Variants in SQOR observed in about 807,000 individuals in gnomAD.
The protein encoded by SQOR is sulfide:quinone oxidoreductase, mitochondrial.
A neutral mutation model predicts 48.6 loss-of-function variants in SQOR; 39 were observed. The ratio of observed to expected loss-of-function variants is 0.80; its 90% CI spans 0.62 to 1.05. The LOEUF (loss-of-function observed/expected upper bound fraction) is 1.05. Ranked by LOEUF, SQOR falls within the 50% of genes least tolerant of loss-of-function variation. The pLI, the probability that SQOR is intolerant of heterozygous loss-of-function variation, is 0.00. For missense variants in SQOR, 561 were observed against 559.9 expected (o/e 1.00, Z -0.02); for synonymous variants, 220 against 206.2 (o/e 1.07, Z -0.57).
chr15:45,646,049 G>C (rs1301924335), intron 1 of SQOR: 1 of 152,202 alleles, frequency 6.6e-6, no homozygotes, highest in African/African-American at 2.4e-5. Flanking sequence ...AATACATATT[G>C]GATATTGTAT....
chr15:45,670,408 T>C (rs1355002776), intron 4 of SQOR, among the ~76,000 whole-genome samples: 1 of 152,176 alleles, frequency 6.6e-6, no homozygotes. Context: ...TGGAGGGACA[T>C]CTGGGTTTTG....
rs927457016 is a variant in SQOR, at chr15:45,689,366, A to C, written c.1295+149A>C. On this transcript the variant is annotated intron_variant, in intron 9 of 9. Transcript: ENST00000260324. ...GCCCTCTTTTGCTGCTGGATAAATA[A>C]TAATAGTAAATCACTTTCACATACC... 1.2e-5 allele frequency: 8 copies of C among 650,076 alleles called. No homozygotes were observed. The Admixed American group carries it at 2.3e-4, about 18-fold the overall frequency. 40.3% of individuals were successfully genotyped at this position (650,076 alleles called of 1,614,324 possible).
chr15:45,633,857 G>T (rs1031865465), upstream of SQOR, among the ~76,000 whole-genome samples: 3 of 151,284 alleles, frequency 2.0e-5, no homozygotes, highest in African/African-American at 4.9e-5. Flanking sequence ...AAGATAGAAA[G>T]TATCAGTTGA....
At chr15:45,659,188 G>A in intron 2 of SQOR, 31 bp downstream of exon 2, 1 of 1,459,816 alleles carries the variant, frequency 6.9e-7, no homozygotes, top group African/African-American at 1.4e-5. Context: ...GCCTGGGTGT[G>A]TGTGTACGTG....
intron 2 of SQOR, among the ~76,000 whole-genome samples, chr15:45,661,130 A>C (rs1188618367): frequency 1.3e-5 from 2 of 151,824 alleles, no homozygotes; most frequent in African/African-American, 2.4e-5. Flanking sequence ...AAAAATGCAA[A>C]AATTAGCCAG....
upstream of SQOR, among the ~76,000 whole-genome samples, chr15:45,633,468 G>T (rs1894934109): frequency 6.6e-6 from 1 of 152,036 alleles, no homozygotes; most frequent in Non-Finnish European, 1.5e-5. Context: ...GGCCAAGGTG[G>T]GTGGATCACT....
At chr15:45,663,337 T>A (rs1262062521) in intron 3 of SQOR, among the ~76,000 whole-genome samples, 2 of 152,130 alleles carry the variant, frequency 1.3e-5, no homozygotes, top group Non-Finnish European at 2.9e-5. Context: ...ATTGTTAAGC[T>A]TTTTTTGGGT....
At chr15:45,678,185 A>G (rs973568790) in intron 6 of SQOR, among the ~76,000 whole-genome samples, 2 of 152,210 alleles carry the variant, frequency 1.3e-5, no homozygotes, top group African/African-American at 2.4e-5. Flanking sequence ...CCTTGCTACT[A>G]ATAAGAAGTC....
chr15:45,669,339 T>G (rs896287079), intron 3 of SQOR, among the ~76,000 whole-genome samples: 3 of 151,944 alleles, frequency 2.0e-5, no homozygotes, highest in Non-Finnish European at 4.4e-5. Context: ...AATTTTTGTA[T>G]TTTTTGCAGA....
At chr15:45,664,454 C>T (rs1176095877) in intron 3 of SQOR, among the ~76,000 whole-genome samples, 3 of 151,896 alleles carry the variant, frequency 2.0e-5, no homozygotes, top group African/African-American at 7.3e-5. Context: ...ATCCTCATGT[C>T]CCTCAATTCT....
intron 7 of SQOR, among the ~76,000 whole-genome samples, chr15:45,686,506 C>T (rs1004961856): frequency 6.6e-6 from 1 of 152,124 alleles, no homozygotes; most frequent in Admixed American, 6.5e-5. Flanking sequence ...GACCCTCACC[C>T]ATTCTAGAAA....
At chr15:45,636,450 C>T (rs1173691571) in intron 1 of SQOR, among the ~76,000 whole-genome samples, 4 of 147,448 alleles carry the variant, frequency 2.7e-5, no homozygotes, top group Non-Finnish European at 4.4e-5. Context: ...TGTCACCAGG[C>T]TGGAGTGCAG....
chr15:45,661,137 C>G (rs954463962), intron 2 of SQOR, among the ~76,000 whole-genome samples: 2 of 151,672 alleles, frequency 1.3e-5, no homozygotes, highest in Admixed American at 1.3e-4. Context: ...CAAAAATTAG[C>G]CAGGCATGGT....
upstream of SQOR, among the ~76,000 whole-genome samples, chr15:45,633,699 A>G (rs1388730671): frequency 2.0e-5 from 3 of 150,774 alleles, no homozygotes. Flanking sequence ...GCCTCAAAAA[A>G]AAAAAAAAAA....
At chr15:45,680,695 C>A (rs969337084) in intron 6 of SQOR, among the ~76,000 whole-genome samples, 2 of 152,044 alleles carry the variant, frequency 1.3e-5, no homozygotes, top group Non-Finnish European at 2.9e-5. Context: ...GGATTACAGG[C>A]ATGAGCCACT....
chr15:45,646,736 G>A (rs1889347456), intron 1 of SQOR, among the ~76,000 whole-genome samples: 3 of 152,188 alleles, frequency 2.0e-5, no homozygotes, highest in African/African-American at 7.2e-5. Context: ...CTGCCACAAG[G>A]AATGCCCATA....
intron 1 of SQOR, among the ~76,000 whole-genome samples, chr15:45,652,154 G>A (rs576533775): frequency 2.0e-4 from 30 of 152,212 alleles, no homozygotes; most frequent in East Asian, 9.7e-4. Flanking sequence ...GATTACAGGC[G>A]TGAGCCACCA....
chr15:45,646,575 C>A (rs781326136), intron 1 of SQOR, among the ~76,000 whole-genome samples: 3 of 152,172 alleles, frequency 2.0e-5, no homozygotes, highest in Non-Finnish European at 4.4e-5. Flanking sequence ...TAATATCTTG[C>A]TATTATTGAA....
intron 1 of SQOR, among the ~76,000 whole-genome samples, chr15:45,652,331 G>GTGAT (rs926122244): frequency 8.6e-5 from 13 of 151,140 alleles, no homozygotes; most frequent in Non-Finnish European, 1.3e-4. Context: ...CTTCCATTGA[G>GTGAT]TGATTGATTG....
Sources: allele counts gnomAD v4.1 joint callset (sites outside exome capture counted in the v4.1 genomes callset), GRCh38; gene constraint gnomAD v4.1.1; transcripts MANE v1.5; gene names NCBI Gene and HGNC (gene_info 2026-07-23, HGNC 2026-07-21).